Variants in DDX59 observed in about 807,000 individuals in gnomAD.
DDX59 encodes probable ATP-dependent RNA helicase DDX59.
In DDX59, 30 loss-of-function variants were observed where a neutral mutation model predicts 51.9. The observed-to-expected ratio is 0.58, with a 90% CI of 0.43 to 0.78. The LOEUF (loss-of-function observed/expected upper bound fraction) is 0.78. Among genes scored for constraint, DDX59 ranks in the 30% least tolerant of loss-of-function variants. The probability of loss-of-function intolerance (pLI) is 0.00; values close to 1 mark genes in which losing one functional copy is unlikely to be tolerated. For missense variants in DDX59, 672 were observed against 730.8 expected, an observed-to-expected ratio of 0.92 and a Z score of 0.93; for synonymous variants, 255 against 253.3, an observed-to-expected ratio of 1.01 and a Z score of -0.06.
intron 2 of DDX59, among the ~76,000 whole-genome samples, chr1:200,665,120 TG>T (rs1662634353): frequency 6.6e-6 from 1 of 152,212 alleles, no homozygotes; most frequent in Non-Finnish European, 1.5e-5. Flanking sequence ...AAGTAAGGTA[TG>T]GTAGTGATTA....
chr1:200,652,602 T>A (rs1297880043), intron 4 of DDX59, among the ~76,000 whole-genome samples: 1 of 151,776 alleles, frequency 6.6e-6, no homozygotes, highest in African/African-American at 2.4e-5. Context: ...CTTTCTAACA[T>A]GTCTTTAATG....
chr1:200,669,585 A>T (rs1332933379), intron 1 of DDX59, 182 bp downstream of exon 1: 1 of 152,350 alleles, frequency 6.6e-6, no homozygotes, highest in Non-Finnish European at 1.5e-5. Context: ...GCTTCACGTC[A>T]CGGAGCTGCT....
intron 3 of DDX59, among the ~76,000 whole-genome samples, chr1:200,660,843 C>T (rs1177709354): frequency 6.6e-6 from 1 of 152,122 alleles, no homozygotes; most frequent in African/African-American, 2.4e-5. Context: ...TTCAGCAGGG[C>T]CAACTGCAAG....
At chr1:200,641,602 C>T (rs1458082717), downstream of DDX59, among the ~76,000 whole-genome samples, 4 of 152,124 alleles carry the variant, frequency 2.6e-5, no homozygotes, top group East Asian at 1.9e-4. Flanking sequence ...GGTGTGGTGG[C>T]TCACGCCTGT....
intron 7 of DDX59, among the ~76,000 whole-genome samples, chr1:200,647,423 T>C (rs1374817434): frequency 1.3e-5 from 2 of 152,142 alleles, no homozygotes; most frequent in East Asian, 3.9e-4. Flanking sequence ...GCCAGACATA[T>C]CAACTTAAAA....
chr1:200,666,136 A>C lies in DDX59; in HGVS notation c.605T>G (p.Ile202Ser). Residue 202 changes from isoleucine (I) to serine (S), a missense_variant, in exon 2 of 8, where the codon ATT becomes AGT. Ile to Ser is a moderately radical substitution (Grantham distance 142). Coordinates refer to ENST00000331314, the MANE Select transcript of DDX59 (RefSeq NM_001031725.6). ...GAGACTACAATGTTCAAAGTCAATA[A>C]TGGGCCTGGTGACTTCTTGCCCTTG... Reference protein sequence around the residue: ...LVQGQEVTRPIIDFEHCSLPE... With the variant: ...LVQGQEVTRPSIDFEHCSLPE... 1 of 1,614,198 alleles carries C rather than the reference A, an allele frequency of 6.2e-7. No homozygotes were observed. The highest frequency in any genetic ancestry group is 8.5e-7 in the Non-Finnish European group (1 of 1,180,038).
intron 4 of DDX59, among the ~76,000 whole-genome samples, chr1:200,651,073 G>A (rs943507771): frequency 2.6e-5 from 4 of 152,022 alleles, no homozygotes; most frequent in South Asian, 4.1e-4. Context: ...TGTGTAACAA[G>A]ATACCTATTT....
At chr1:200,659,181 T>C in intron 3 of DDX59, 65 bp from the exon 4 acceptor site, 1 of 1,291,446 alleles carries the variant, frequency 7.7e-7, no homozygotes, top group Non-Finnish European at 1.1e-6. Context: ...ATTCATTCCA[T>C]ATTGATTGAG....
chr1:200,667,032 C>CG (rs111831365), intron 1 of DDX59, among the ~76,000 whole-genome samples: 3 of 151,672 alleles, frequency 2.0e-5, no homozygotes, highest in South Asian at 2.1e-4. Context: ...CACTTGATCC[C>CG]GGGGGGCAGA....
chr1:200,649,843 CTTTTTT>C (rs777404977), intron 5 of DDX59, among the ~76,000 whole-genome samples: 1 of 140,018 alleles, frequency 7.1e-6, no homozygotes, highest in African/African-American at 2.6e-5. Flanking sequence ...TAACTTAATA[CTTTTTT>C]TTTTTTTTTT....
downstream of DDX59, among the ~76,000 whole-genome samples, chr1:200,643,732 G>T (rs1237558578): frequency 4.4e-5 from 3 of 67,582 alleles, no homozygotes; most frequent in East Asian, 7.8e-4. Context: ...ACATTATTTT[G>T]ATAAGTAGCC....
chr1:200,659,335 G>A (rs1043049014), intron 3 of DDX59, among the ~76,000 whole-genome samples: 3 of 152,206 alleles, frequency 2.0e-5, no homozygotes, highest in Admixed American at 6.5e-5. Context: ...AATACACTAA[G>A]CCATAACTGG....
chr1:200,659,162 T>C (rs1431828454), intron 3 of DDX59, 46 bp from the exon 4 acceptor site: 5 of 1,412,768 alleles, frequency 3.5e-6, no homozygotes, highest in Non-Finnish European at 4.0e-6. Flanking sequence ...GTAATAGCTA[T>C]TTTCATTCAT....
Position 200,644,137 on chromosome 1 carries a change from T to G in DDX59, c.*117A>C, listed in dbSNP as rs1216072995. ...TAAATACAATATAGTTATATAAATT[T>G]TATTAAATTAAAAATATCTTAAAAT... On this transcript the variant is annotated 3_prime_UTR_variant, in exon 8 of 8. Coordinates refer to ENST00000331314, the MANE Select transcript of DDX59 (RefSeq NM_001031725.6). 2.5e-6 allele frequency: 2 copies of G among 814,420 alleles called. No individual in the cohort carries two copies. The highest frequency in any genetic ancestry group is 3.6e-5 in the African/African-American group (2 of 56,094). 50.4% of individuals were successfully genotyped at this position (814,420 alleles called of 1,614,324 possible).
intron 6 of DDX59, 39 bp from the exon 7 acceptor site, chr1:200,648,606 A>C: frequency 6.3e-7 from 1 of 1,588,428 alleles, no homozygotes; most frequent in Non-Finnish European, 8.6e-7. Flanking sequence ...TTCAGAATTT[A>C]TTTTGTGTGG....
At chr1:200,667,714 C>T (rs1662864914) in intron 1 of DDX59, among the ~76,000 whole-genome samples, 2 of 152,228 alleles carry the variant, frequency 1.3e-5, no homozygotes, top group South Asian at 4.2e-4. Context: ...AGAGAAAATG[C>T]TATTTTCATA....
intron 3 of DDX59, among the ~76,000 whole-genome samples, chr1:200,659,872 G>T (rs1662269171): frequency 6.6e-6 from 1 of 152,090 alleles, no homozygotes; most frequent in Non-Finnish European, 1.5e-5. Flanking sequence ...TTTTTGCAGA[G>T]ACAAGGTCTC....
intron 2 of DDX59, among the ~76,000 whole-genome samples, chr1:200,665,545 A>G (rs2102926005): frequency 6.6e-6 from 1 of 152,292 alleles, no homozygotes; most frequent in Middle Eastern, 3.4e-3. Context: ...TTCCAACTTC[A>G]GTATAAATCA....
intron 4 of DDX59, among the ~76,000 whole-genome samples, chr1:200,653,819 A>G (rs1241412412): frequency 6.6e-6 from 1 of 152,024 alleles, no homozygotes; most frequent in Non-Finnish European, 1.5e-5. Context: ...GCTCCTTCTC[A>G]TTCATATCTT....
Sources: gnomAD v4.1 joint callset for allele counts (sites outside exome capture counted in the v4.1 genomes callset) on GRCh38, gnomAD v4.1.1 for gene constraint, MANE v1.5 for transcripts, NCBI Gene and HGNC (gene_info 2026-07-23, HGNC 2026-07-21) for gene names.